The following DCLK1 variants were observed in gnomAD, a reference collection of about 807,000 sequenced individuals.
DCLK1 encodes doublecortin like kinase 1, also known as serine/threonine-protein kinase DCLK1.
Under a neutral mutation model 86.2 loss-of-function variants are expected in DCLK1, and 16 were observed. The observed-to-expected ratio is 0.19, with a 90% CI of 0.13 to 0.28. The LOEUF is 0.28. Ranked by LOEUF, DCLK1 falls within the 10% of genes least tolerant of loss-of-function variation. The probability of loss-of-function intolerance (pLI) is 1.00; values close to 1 mark genes in which losing one functional copy is unlikely to be tolerated. For synonymous variants in DCLK1, 369 were observed against 370.5 expected (o/e 1.00, Z 0.05); for missense variants, 590 against 940.2 (o/e 0.63, Z 4.87).
At chr13:35,850,459 G>C (rs1419534112) in intron 6 of DCLK1, 1 of 1,141,742 alleles carries the variant, frequency 8.8e-7, no homozygotes, top group African/African-American at 1.6e-5. Flanking sequence ...TCTAGAGCCA[G>C]GCCCTGTACA....
intron 3 of DCLK1, among the ~76,000 whole-genome samples, chr13:36,023,901 C>CTTTTTTTTTTT (rs59071937): frequency 7.8e-6 from 1 of 128,524 alleles, no homozygotes; most frequent in Non-Finnish European, 1.6e-5. Context: ...TTCTTTCTTT[C>CTTTTTTTTTTT]TTTTTTTTTT....
chr13:36,030,662 C>T (rs1593832619), intron 3 of DCLK1, among the ~76,000 whole-genome samples: 1 of 151,978 alleles, frequency 6.6e-6, no homozygotes, highest in East Asian at 1.9e-4. Context: ...GGAACAGTAT[C>T]TTCATTATTC....
intron 3 of DCLK1, among the ~76,000 whole-genome samples, chr13:36,069,286 T>A (rs1883881466): frequency 6.6e-6 from 1 of 152,188 alleles, no homozygotes. Flanking sequence ...AACACAGTCC[T>A]CTTCCTGAAT....
intron 4 of DCLK1, among the ~76,000 whole-genome samples, chr13:35,894,348 T>C (rs1469228417): frequency 6.6e-6 from 1 of 152,204 alleles, no homozygotes; most frequent in African/African-American, 2.4e-5. Context: ...ACACGGCATC[T>C]GCGCCAGAAC....
chr13:36,128,130 T>G (rs1337540859), intron 1 of DCLK1, among the ~76,000 whole-genome samples: 2 of 152,086 alleles, frequency 1.3e-5, no homozygotes, highest in Non-Finnish European at 2.9e-5. Context: ...TGGCTAAAAT[T>G]TCACACCTGA....
chr13:35,901,302 C>G (rs748245555), intron 4 of DCLK1, among the ~76,000 whole-genome samples: 1 of 151,834 alleles, frequency 6.6e-6, no homozygotes, highest in Non-Finnish European at 1.5e-5. Context: ...GCCTGGCCAA[C>G]ATGGTGAAAT....
At chr13:35,917,945 A>G (rs1875531665) in intron 4 of DCLK1, among the ~76,000 whole-genome samples, 1 of 152,160 alleles carries the variant, frequency 6.6e-6, no homozygotes, top group African/African-American at 2.4e-5. Flanking sequence ...AAGGGCAGAG[A>G]GCCGCCAGCT....
chr13:35,860,062 T>G (rs1303342358), intron 5 of DCLK1, among the ~76,000 whole-genome samples: 2 of 152,172 alleles, frequency 1.3e-5, no homozygotes, highest in East Asian at 3.9e-4. Context: ...CCTGTCTTCT[T>G]TTAGCACTTA....
rs1325028620 is a variant in DCLK1 at position 35,770,597 on chromosome 13, CAA to C, written c.*3936_*3937del. On this transcript the variant is annotated 3_prime_UTR_variant, in exon 17 of 17. Transcript: ENST00000360631. Reference sequence around the variant, plus strand: ...ATCTGAGTTTTGAACTGACCAACTTCAAGTCTTTTAAAATCTTTGGGCAAAAA... The same window carrying C: ...ATCTGAGTTTTGAACTGACCAACTTCGTCTTTTAAAATCTTTGGGCAAAAA... 6.6e-6 allele frequency: 1 copy of C among 151,874 alleles called. No individual in the cohort carries two copies. The highest frequency in any genetic ancestry group is 6.6e-5 in the Admixed American group (1 of 15,250). 9.4% of individuals were successfully genotyped at this position (151,874 alleles called of 1,614,324 possible). A position where few individuals can be genotyped will look rare whatever the true frequency, so the allele number is the denominator to read the frequency against.
chr13:36,098,261 G>A (rs1195585385), intron 3 of DCLK1, among the ~76,000 whole-genome samples: 1 of 152,184 alleles, frequency 6.6e-6, no homozygotes. Context: ...ACGTAAACTG[G>A]AGAAAATGTT....
rs1023592379 is a variant in DCLK1, at chr13:35,855,410, C to T, written c.941-817G>A. 2.4e-5 allele frequency: 29 copies of T among 1,210,636 alleles called. No homozygotes were observed. In the African/African-American group the frequency reaches 4.2e-4, roughly 17 times the overall value. The allele number at this position is 1,210,636 out of a possible 1,614,324, so 75.0% of individuals were successfully genotyped here. On this transcript the variant is annotated intron_variant, in intron 5 of 16. Transcript: ENST00000360631. ...TACCTGTAAAAATGGCATTACAGCC[C>T]CACAGTCAGTGAAGTAGAATTAACC... is the stretch of plus-strand genomic sequence containing the variant.
intron 3 of DCLK1, among the ~76,000 whole-genome samples, chr13:36,096,553 T>C (rs1188081194): frequency 6.6e-6 from 1 of 152,110 alleles, no homozygotes; most frequent in East Asian, 1.9e-4. Context: ...CTCAAAGATC[T>C]TGAATAGCAA....
At chr13:36,081,073 G>C (rs9602114) in intron 3 of DCLK1, among the ~76,000 whole-genome samples, 3,745 of 152,068 alleles carry the variant, frequency 0.025, 172 homozygotes, top group African/African-American at 0.086. Context: ...TCGGTGTTTG[G>C]TAGAAGTTTT....
chr13:35,924,102 C>G (rs1003858843), intron 4 of DCLK1, among the ~76,000 whole-genome samples: 3 of 152,182 alleles, frequency 2.0e-5, no homozygotes, highest in Non-Finnish European at 4.4e-5. Context: ...ATACTTCTCC[C>G]TGACCTTTCC....
At chr13:35,826,093 T>A (rs1464462253) in intron 10 of DCLK1, among the ~76,000 whole-genome samples, 1 of 152,064 alleles carries the variant, frequency 6.6e-6, no homozygotes, top group East Asian at 2.0e-4. Flanking sequence ...ATTACAGGTG[T>A]GAGTCACTGC....
chr13:35,826,523 C>CAA (rs533243711), intron 10 of DCLK1, among the ~76,000 whole-genome samples: 2 of 19,820 alleles, frequency 1.0e-4, no homozygotes, highest in East Asian at 1.3e-3. Context: ...AACTCCATCT[C>CAA]AAAAAAAAAA....
intron 3 of DCLK1, among the ~76,000 whole-genome samples, chr13:36,062,019 G>T (rs1310938493): frequency 6.6e-6 from 1 of 152,128 alleles, no homozygotes; most frequent in Non-Finnish European, 1.5e-5. Flanking sequence ...TGCTCGTCAG[G>T]TACAATTCTG....
At chr13:35,923,485 G>A (rs1875926643) in intron 4 of DCLK1, among the ~76,000 whole-genome samples, 1 of 151,978 alleles carries the variant, frequency 6.6e-6, no homozygotes, top group Non-Finnish European at 1.5e-5. Flanking sequence ...TTGTTAAGGA[G>A]GAGACAACCA....
At chr13:35,872,845 A>G (rs926102472) in intron 4 of DCLK1, among the ~76,000 whole-genome samples, 9 of 152,150 alleles carry the variant, frequency 5.9e-5, no homozygotes, top group African/African-American at 2.2e-4. Context: ...ATACATAGCC[A>G]GGTTTTTGTT....
Sources: gnomAD v4.1 joint callset for allele counts (sites outside exome capture counted in the v4.1 genomes callset) on GRCh38, gnomAD v4.1.1 for gene constraint, MANE v1.5 for transcripts, NCBI Gene and HGNC (gene_info 2026-07-23, HGNC 2026-07-21) for gene names.